Variants in SLC4A7 observed in about 807,000 individuals in gnomAD.
SLC4A7 encodes sodium bicarbonate cotransporter 3.
Under a neutral mutation model 137.6 loss-of-function variants are expected in SLC4A7, and 51 were observed. The observed-to-expected ratio is 0.37, with a 90% CI of 0.30 to 0.47. SLC4A7 has a LOEUF of 0.47. Ranked by LOEUF, SLC4A7 falls within the 20% of genes least tolerant of loss-of-function variation. The probability of loss-of-function intolerance (pLI) is 1.00; values close to 1 mark genes in which losing one functional copy is unlikely to be tolerated. For synonymous variants in SLC4A7, 542 were observed against 518.6 expected (o/e 1.05, Z -0.61); for missense variants, 1,247 against 1,525.4 (o/e 0.82, Z 3.04).
chr3:27,470,586 T>C (rs914918135), intron 1 of SLC4A7, among the ~76,000 whole-genome samples: 45 of 151,226 alleles, frequency 3.0e-4, no homozygotes, highest in African/African-American at 1.1e-3. Flanking sequence ...TTCCAACTTG[T>C]TTTAAGAAAA....
rs181604267 is a variant in SLC4A7 at position 27,468,632 on chromosome 3, T to C, written c.60+15435A>G. 4.6e-5 allele frequency among the ~76,000 whole-genome samples: 7 copies of C among 152,216 alleles called. No individual in the cohort carries two copies. The South Asian group carries it at 6.2e-4, about 14-fold the overall frequency. ...CTAGATCTAGTAAGATTGTCTGAAT[T>C]GAAATCCTGGCTCTTCACTTACTAC... On this transcript the variant is annotated intron_variant, in intron 1 of 25. Transcript: ENST00000454389.
intron 1 of SLC4A7, among the ~76,000 whole-genome samples, chr3:27,482,678 G>T (rs1019614420): frequency 6.6e-6 from 1 of 152,074 alleles, no homozygotes; most frequent in African/African-American, 2.4e-5. Context: ...AGGCTGAGGC[G>T]GGAGAATCGG....
In SLC4A7 at chr3:27,374,760, TA is replaced by T. The variant is rs2049787274; in HGVS notation, c.*2003del. Reference sequence around the variant, plus strand: ...AGTTTTAAAATTTCTTCCTGTAAAGTAAGTACAGTTGTTACCCCTGATGTCC... The same window carrying T: ...AGTTTTAAAATTTCTTCCTGTAAAGTAGTACAGTTGTTACCCCTGATGTCC... On this transcript the variant is annotated 3_prime_UTR_variant, in exon 26 of 26. Transcript: ENST00000454389. 1 of 152,454 alleles carries T rather than the reference TA, an allele frequency of 6.6e-6. No homozygotes were observed. The highest frequency in any genetic ancestry group is 2.1e-4 in the South Asian group (1 of 4,834). 9.4% of individuals were successfully genotyped at this position (152,454 alleles called of 1,614,324 possible). A position where few individuals can be genotyped will look rare whatever the true frequency, so the allele number is the denominator to read the frequency against.
At chr3:27,428,090 GA>G (rs1198085850) in intron 7 of SLC4A7, among the ~76,000 whole-genome samples, 1 of 152,148 alleles carries the variant, frequency 6.6e-6, no homozygotes, top group Non-Finnish European at 1.5e-5. Context: ...TTTGTTCAAG[GA>G]AAAATAGTAA....
At position 27,400,796 on chromosome 3, in the gene SLC4A7, G is replaced by A. The variant is rs377535382; in HGVS notation, c.2395C>T (p.His799Tyr). 1.9e-6 allele frequency: 3 copies of A among 1,605,234 alleles called. No individual in the cohort carries two copies. Among genetic ancestry groups the A allele is most frequent in the African/African-American group, 1.3e-5 (1 of 74,888 alleles). ...AQWKKDNITA[H>Y]NISWRNLTVS... is the part of the protein sequence containing the mutation. ...GTAAGATTTCTCCAGGAAATATTGT[G>A]TGCTGTTATATTATCTTTCTTCCAT... Residue 799 changes from histidine (H) to tyrosine (Y), a missense_variant, in exon 16 of 26, where the codon CAC (histidine) becomes TAC (tyrosine). Transcript: ENST00000454389.
At chr3:27,383,461 C>T (rs1576081804) in intron 23 of SLC4A7, among the ~76,000 whole-genome samples, 1 of 148,904 alleles carries the variant, frequency 6.7e-6, no homozygotes, top group African/African-American at 2.4e-5. Flanking sequence ...ACTTTCATTT[C>T]TTTATGTAAA....
intron 3 of SLC4A7, among the ~76,000 whole-genome samples, chr3:27,447,046 C>T (rs1576523547): frequency 6.7e-6 from 1 of 149,176 alleles, no homozygotes; most frequent in African/African-American, 2.5e-5. Flanking sequence ...CCACAGCCAG[C>T]TAAACTTTTT....
chr3:27,480,788 A>G (rs1290728585), intron 1 of SLC4A7, among the ~76,000 whole-genome samples: 2 of 152,050 alleles, frequency 1.3e-5, no homozygotes, highest in African/African-American at 4.8e-5. Flanking sequence ...TATTCTAATG[A>G]CTATTTTTTT....
chr3:27,420,549 A>G, intron 10 of SLC4A7, 151 bp downstream of exon 10: 1 of 425,764 alleles, frequency 2.3e-6, no homozygotes. Flanking sequence ...CCGAAGGCAA[A>G]TAGGAGAAGC....
intron 1 of SLC4A7, among the ~76,000 whole-genome samples, chr3:27,462,331 T>A (rs2058743799): frequency 6.6e-6 from 1 of 152,088 alleles, no homozygotes; most frequent in Non-Finnish European, 1.5e-5. Flanking sequence ...AAATATAAAG[T>A]CAAGAACGTT....
chr3:27,460,722 C>A (rs1366197543), intron 1 of SLC4A7, among the ~76,000 whole-genome samples: 2 of 152,144 alleles, frequency 1.3e-5, no homozygotes, highest in East Asian at 1.9e-4. Flanking sequence ...ATAAAGAAAA[C>A]CTTTTCATGT....
chr3:27,417,637 C>T (rs965479759), intron 11 of SLC4A7, among the ~76,000 whole-genome samples: 1 of 152,060 alleles, frequency 6.6e-6, no homozygotes, highest in African/African-American at 2.4e-5. Flanking sequence ...ACCTGTGGTC[C>T]AGGCTACATA....
chr3:27,382,708 T>A (rs1559619619), intron 24 of SLC4A7, among the ~76,000 whole-genome samples: 1 of 152,144 alleles, frequency 6.6e-6, no homozygotes, highest in African/African-American at 2.4e-5. Flanking sequence ...TGGAAGGCTA[T>A]CAGAAAATGA....
chr3:27,384,211 C>G (rs779909205), intron 23 of SLC4A7, among the ~76,000 whole-genome samples: 1 of 152,176 alleles, frequency 6.6e-6, no homozygotes, highest in Non-Finnish European at 1.5e-5. Flanking sequence ...TAAACTGAAT[C>G]TCCCAGCATT....
At chr3:27,447,972 G>A (rs2057786826) in intron 3 of SLC4A7, among the ~76,000 whole-genome samples, 1 of 151,990 alleles carries the variant, frequency 6.6e-6, no homozygotes, top group African/African-American at 2.4e-5. Flanking sequence ...AGCACTTTGG[G>A]AGGCTGAGGC....
At chr3:27,399,957 A>G (rs1404907969) in intron 16 of SLC4A7, among the ~76,000 whole-genome samples, 3 of 152,228 alleles carry the variant, frequency 2.0e-5, no homozygotes, top group Non-Finnish European at 2.9e-5. Flanking sequence ...TTAAATTATC[A>G]GTGGGATAAA....
Position 27,448,637 on chromosome 3 carries a change from CT to C in SLC4A7, c.289+13del, listed in dbSNP as rs1297527169. ...GGAACTTTAAACTGCTAAAGAAGAA[CT>C]GTTTTCTCTTACCATAAGAAGGAGA... On this transcript the variant is annotated intron_variant, in intron 3 of 25. Coordinates refer to ENST00000454389, the MANE Select transcript of SLC4A7 (RefSeq NM_001321103.2). 6.3e-7 allele frequency: 1 copy of C among 1,598,882 alleles called. No individual in the cohort carries two copies. The highest frequency in any genetic ancestry group is 1.1e-5 in the South Asian group (1 of 90,002).
At chr3:27,395,577 G>A (rs1006066221) in intron 18 of SLC4A7, among the ~76,000 whole-genome samples, 5 of 152,122 alleles carry the variant, frequency 3.3e-5, no homozygotes, top group Non-Finnish European at 7.4e-5. Context: ...TGTCGGGGGC[G>A]GTTCCCCAGG....
At chr3:27,388,624 T>C (rs947198861) in intron 22 of SLC4A7, among the ~76,000 whole-genome samples, 10 of 152,128 alleles carry the variant, frequency 6.6e-5, no homozygotes, top group African/African-American at 9.6e-5. Context: ...CAGCAAACCA[T>C]AGCACCTGAG....
Sources: allele counts gnomAD v4.1 joint callset (sites outside exome capture counted in the v4.1 genomes callset), GRCh38; gene constraint gnomAD v4.1.1; transcripts MANE v1.5; gene names NCBI Gene and HGNC (gene_info 2026-07-23, HGNC 2026-07-21).